WDR33: variants seen among roughly 807,000 people sequenced by gnomAD.
WDR33 encodes pre-mRNA 3' end processing protein WDR33.
A neutral mutation model predicts 164.9 loss-of-function variants in WDR33; 47 were observed. The observed-to-expected ratio is 0.29, with a 90% confidence interval of 0.23 to 0.36. The LOEUF is 0.36. WDR33 is among the 10% of genes least tolerant of loss of function. WDR33 has a pLI of 1.00. For missense variants in WDR33, 1,137 were observed against 1,754.1 expected, an observed-to-expected ratio of 0.65 and a Z score of 6.28; for synonymous variants, 505 against 589.0, an observed-to-expected ratio of 0.86 and a Z score of 2.06.
Position 127,765,298 on chromosome 2 carries a change from A to G in WDR33, c.379-29T>C, listed in dbSNP as rs114363148. On this transcript the variant is annotated intron_variant, in intron 4 of 21. Transcript: ENST00000322313. Reference sequence around the variant, plus strand: ...AGGGAGAAAAAAAGACAGGTTATACATCCTCCAACTTCACTAATTTTGAAA... The same window carrying G: ...AGGGAGAAAAAAAGACAGGTTATACGTCCTCCAACTTCACTAATTTTGAAA... 1,690 of 1,531,800 alleles carry G rather than the reference A, an allele frequency of 1.1e-3. 20 individuals carry two copies. In the African/African-American group the frequency reaches 0.02, roughly 18 times the overall value. 94.9% of individuals were successfully genotyped at this position (1,531,800 alleles called of 1,614,324 possible).
chr2:127,773,299 TA>T (rs1328891912), intron 1 of WDR33, among the ~76,000 whole-genome samples: 3 of 152,178 alleles, frequency 2.0e-5, no homozygotes, highest in Non-Finnish European at 4.4e-5. Context: ...CTCTAGACAC[TA>T]AATAATGAGC....
intron 2 of WDR33, among the ~76,000 whole-genome samples, chr2:127,769,518 A>T (rs1687930045): frequency 6.6e-6 from 1 of 152,188 alleles, no homozygotes; most frequent in Non-Finnish European, 1.5e-5. Context: ...TGTCGACTCC[A>T]ACACAGTCTC....
At position 127,737,367 on chromosome 2, in the gene WDR33, G is replaced by T. The variant is rs571284319; in HGVS notation, c.725-10590C>A. On this transcript the variant is annotated intron_variant, in intron 7 of 21. Transcript: ENST00000322313. ...CTCTGAGGTGTGTGTGTACATATGT[G>T]TGTGTGTATGTTCGGGCACATGTTA... The T allele has an allele frequency of 5.1e-6, 5 of 985,506 alleles. No homozygotes were observed. In the East Asian group the frequency reaches 4.5e-4, roughly 89 times the overall value. The allele number at this position is 985,506 out of a possible 1,614,324, so 61.0% of individuals were successfully genotyped here.
intron 7 of WDR33, among the ~76,000 whole-genome samples, chr2:127,760,480 C>T (rs555919898): frequency 6.6e-6 from 1 of 152,364 alleles, no homozygotes; most frequent in South Asian, 2.1e-4. Flanking sequence ...AGTAAGTTCA[C>T]TTCACATTTT....
intron 7 of WDR33, among the ~76,000 whole-genome samples, chr2:127,759,603 C>T (rs1435403764): frequency 6.6e-6 from 1 of 152,098 alleles, no homozygotes; most frequent in African/African-American, 2.4e-5. Flanking sequence ...AGGCAGGAGA[C>T]TCACTTGAAC....
chr2:127,711,770 A>AGTTTTTTTTTTTT (rs1686176007), intron 18 of WDR33, among the ~76,000 whole-genome samples: 1 of 77,894 alleles, frequency 1.3e-5, no homozygotes, highest in Non-Finnish European at 2.3e-5. Flanking sequence ...ATATATATAT[A>AGTTTTTTTTTTTT]TATATATATA....
chr2:127,736,373 T>C (rs1686842216), intron 7 of WDR33: 2 of 985,226 alleles, frequency 2.0e-6, no homozygotes, highest in African/African-American at 3.5e-5. Flanking sequence ...CAGAAATGAG[T>C]GTTGCAAAAT....
Position 127,764,769 on chromosome 2 carries a change from T to C in WDR33, c.626+59A>G. ...TGCATCTCTGCACCCAGAATACACTTAGAGAATAATTTAACCATGACAATA... is the reference window on the plus strand; with the variant it reads ...TGCATCTCTGCACCCAGAATACACTCAGAGAATAATTTAACCATGACAATA... On this transcript the variant is annotated intron_variant, in intron 6 of 21. Transcript: ENST00000322313. The surrounding 1 kb of genome is among the most constrained non-coding windows in gnomAD (Gnocchi z 6.2). 2 of 1,614,208 alleles carry C rather than the reference T, an allele frequency of 1.2e-6. No individual in the cohort carries two copies. The highest frequency in any genetic ancestry group is 1.7e-6 in the Non-Finnish European group (2 of 1,180,032).
chr2:127,786,341 GTT>G (rs1688570449), intron 1 of WDR33, among the ~76,000 whole-genome samples: 1 of 152,172 alleles, frequency 6.6e-6, no homozygotes, highest in Admixed American at 6.5e-5. Context: ...AGCCGATACT[GTT>G]TTTCTCTTAT....
intron 1 of WDR33, among the ~76,000 whole-genome samples, chr2:127,794,039 G>A (rs35804013): frequency 0.13 from 20,148 of 151,730 alleles, 1,464 homozygotes; most frequent in South Asian, 0.26. Flanking sequence ...TGGCTGAGGC[G>A]GGAGAATCAT....
intron 1 of WDR33, among the ~76,000 whole-genome samples, chr2:127,801,233 T>C (rs191344370): frequency 6.6e-6 from 1 of 152,050 alleles, no homozygotes; most frequent in East Asian, 1.9e-4. Flanking sequence ...CAGTGAGCTA[T>C]GATTATACCA....
At chr2:127,768,764 C>T (rs1421064866) in intron 3 of WDR33, among the ~76,000 whole-genome samples, 169 bp downstream of exon 3, 1 of 152,120 alleles carries the variant, frequency 6.6e-6, no homozygotes, top group East Asian at 1.9e-4. Flanking sequence ...TTGAGACAAA[C>T]ACATAATCCA....
chr2:127,789,822 A>G (rs989736234), intron 1 of WDR33, among the ~76,000 whole-genome samples: 3 of 151,496 alleles, frequency 2.0e-5, no homozygotes, highest in Non-Finnish European at 4.4e-5. Context: ...AATCCTTTCT[A>G]TTACTGGTTT....
chr2:127,734,180 T>G (rs1195537989), intron 7 of WDR33, among the ~76,000 whole-genome samples: 1 of 152,254 alleles, frequency 6.6e-6, no homozygotes, highest in Non-Finnish European at 1.5e-5. Context: ...GTAAACATAT[T>G]GATTCTGAAG....
chr2:127,771,029 A>G, intron 1 of WDR33, 25 bp from the exon 2 acceptor site: 2 of 1,575,464 alleles, frequency 1.3e-6, no homozygotes, highest in Non-Finnish European at 1.7e-6. Context: ...AAGTACTTTC[A>G]CTACAAATAT....
At chr2:127,748,113 A>C (rs1159199757) in intron 7 of WDR33, among the ~76,000 whole-genome samples, 1 of 152,152 alleles carries the variant, frequency 6.6e-6, no homozygotes, top group African/African-American at 2.4e-5. Context: ...CCTCTATAAG[A>C]TCTGTTGATA....
chr2:127,708,192 TGAG>T lies in WDR33; in HGVS notation c.3781+482_3781+484del, dbSNP rs771735412. ...AACATAAAGCTCCACAGTTCCCAGT[TGAG>T]GAGATAATCTACTGTGCCCCTGGAA... On this transcript the variant is annotated intron_variant, in intron 21 of 21. Coordinates refer to ENST00000322313, the MANE Select transcript of WDR33 (RefSeq NM_018383.5). This position sits in a 1 kb window ranked among gnomAD's most constrained non-coding sequence, Gnocchi z 6.7. Among the ~76,000 whole-genome samples the T allele has an allele frequency of 1.6e-4, 24 of 152,074 alleles. No individual in the cohort carries two copies. The highest frequency in any genetic ancestry group is 1.6e-4 in the Non-Finnish European group (11 of 67,996).
intron 7 of WDR33, among the ~76,000 whole-genome samples, chr2:127,760,360 C>A (rs527690184): frequency 6.6e-6 from 1 of 152,166 alleles, no homozygotes. Flanking sequence ...AGAGTCTATG[C>A]GTGTTACATG....
At chr2:127,786,535 T>C (rs562315877) in intron 1 of WDR33, among the ~76,000 whole-genome samples, 1 of 152,206 alleles carries the variant, frequency 6.6e-6, no homozygotes, top group East Asian at 1.9e-4. Flanking sequence ...ATACAAACAT[T>C]AGCTGGGCAT....
Sources: gnomAD v4.1 joint callset for allele counts (sites outside exome capture counted in the v4.1 genomes callset) on GRCh38, gnomAD v4.1.1 for gene constraint, Gnocchi (gnomAD v3.1) non-coding constraint, MANE v1.5 for transcripts, NCBI Gene and HGNC (gene_info 2026-07-23, HGNC 2026-07-21) for gene names.